Variants in FOXK1 observed in about 807,000 individuals in gnomAD.
FOXK1 encodes the protein forkhead box protein K1.
In FOXK1, 19 loss-of-function variants were observed where a neutral mutation model predicts 51.9. The ratio of observed to expected loss-of-function variants is 0.37; its 90% CI spans 0.26 to 0.54. The LOEUF is 0.54. Ranked by LOEUF, FOXK1 falls within the 20% of genes least tolerant of loss-of-function variation. FOXK1 has a pLI of 0.87. For synonymous variants in FOXK1, 537 were observed against 482.6 expected, an observed-to-expected ratio of 1.11 and a Z score of -1.48; for missense variants, 870 against 1,032.7, an observed-to-expected ratio of 0.84 and a Z score of 2.16.
rs545730718 is a variant in FOXK1, at chr7:4,733,780, G to C, written c.561-7058G>C. Among the ~76,000 whole-genome samples the C allele has an allele frequency of 6.6e-6, 1 of 152,192 alleles. No homozygotes were observed. The highest frequency in any genetic ancestry group is 6.5e-5 in the Admixed American group (1 of 15,272). On this transcript the variant is annotated intron_variant, in intron 1 of 8. Coordinates refer to ENST00000328914, the MANE Select transcript of FOXK1 (RefSeq NM_001037165.2). This position sits in a 1 kb window ranked among gnomAD's most constrained non-coding sequence, Gnocchi z 5.0. ...CTCTTGGGTCTGCTGTTTCTCTCAC[G>C]GGAGAGGCTGCTCTGAGGTCCCCGA...
rs1371800393 is a variant in FOXK1 at position 4,682,464 on chromosome 7, GCCGCCGCCGCCGCCA to G, written c.164_178del (p.Pro55_Pro59del). 1.0e-6 allele frequency: 1 copy of G among 983,616 alleles called. No homozygotes were observed. The highest frequency in any genetic ancestry group is 1.1e-4 in the East Asian group (1 of 8,752). 60.9% of individuals were successfully genotyped at this position (983,616 alleles called of 1,614,324 possible). Reference sequence around the variant, plus strand: ...CGCAGCCCCAGCCTCCGCCCGGGCCGCCGCCGCCGCCGCCACCGCCGCTGCCTCCGGGCGCGATCG... The same window carrying G: ...CGCAGCCCCAGCCTCCGCCCGGGCCGCCGCCGCTGCCTCCGGGCGCGATCG... On this transcript the variant is annotated inframe_deletion, in exon 1 of 9. Transcript: ENST00000328914. The surrounding 1 kb of genome is among the most constrained non-coding windows in gnomAD (Gnocchi z 7.6).
chr7:4,759,286 C>T (rs759368909), intron 6 of FOXK1, 25 bp from the exon 7 acceptor site: 4 of 1,602,672 alleles, frequency 2.5e-6, no homozygotes, highest in East Asian at 2.2e-5. Context: ...GAGGGGTCAC[C>T]GTCCGCTCTC....
At chr7:4,694,946 G>A (rs1190106380) in intron 1 of FOXK1, among the ~76,000 whole-genome samples, 2 of 152,208 alleles carry the variant, frequency 1.3e-5, no homozygotes, top group African/African-American at 4.8e-5. Context: ...AACCTCCTGC[G>A]CCTTACCAAG....
intron 7 of FOXK1, 36 bp downstream of exon 7, chr7:4,759,631 C>T: frequency 1.3e-6 from 2 of 1,513,770 alleles, no homozygotes; most frequent in Middle Eastern, 1.7e-4. Context: ...TCGCAGGACC[C>T]TTTGTGGTGG....
rs1177704349 is a variant in FOXK1 at position 4,707,267 on chromosome 7, G to A, written c.560+24399G>A. Among the ~76,000 whole-genome samples the A allele has an allele frequency of 2.0e-5, 3 of 152,302 alleles. No individual in the cohort carries two copies. Among genetic ancestry groups the A allele is most frequent in the Admixed American group, 6.5e-5 (1 of 15,308 alleles). The stretch of plus-strand genomic sequence containing the variant: ...GGGGTGGTGTTCTGGTGGAGGGGAC[G>A]CTGGTAAAGAGCAGGTCTGGCTCAG... On this transcript the variant is annotated intron_variant, in intron 1 of 8. Coordinates refer to ENST00000328914, the MANE Select transcript of FOXK1 (RefSeq NM_001037165.2). This position sits in a 1 kb window ranked among gnomAD's most constrained non-coding sequence, Gnocchi z 4.1.
chr7:4,706,381 T>A (rs143482022), intron 1 of FOXK1, among the ~76,000 whole-genome samples: 7 of 152,320 alleles, frequency 4.6e-5, no homozygotes, highest in Admixed American at 2.0e-4. Flanking sequence ...AGTTTATATC[T>A]GTGACACTCC....
chr7:4,702,184 A>G (rs1189414842), intron 1 of FOXK1, among the ~76,000 whole-genome samples: 5 of 152,162 alleles, frequency 3.3e-5, no homozygotes, highest in African/African-American at 4.8e-5. Flanking sequence ...AAAGAGACAC[A>G]TGACAGATAA....
Position 4,766,666 on chromosome 7 carries a change from C to A in FOXK1, c.*4202C>A, listed in dbSNP as rs1227792371. On this transcript the variant is annotated 3_prime_UTR_variant, in exon 9 of 9. Coordinates refer to ENST00000328914, the MANE Select transcript of FOXK1 (RefSeq NM_001037165.2). The surrounding 1 kb of genome is among the most constrained non-coding windows in gnomAD (Gnocchi z 5.5). ...CCAGGACGGGGGCTTCACCCTGCCCCCTCCAGACTGCCGAAGCCCCCAAGA... is the reference window on the plus strand; with the variant it reads ...CCAGGACGGGGGCTTCACCCTGCCCACTCCAGACTGCCGAAGCCCCCAAGA... 1 of 152,316 alleles carries A rather than the reference C, an allele frequency of 6.6e-6. No individual in the cohort carries two copies. Among genetic ancestry groups the A allele is most frequent in the African/African-American group, 2.4e-5 (1 of 41,462 alleles). 9.4% of individuals were successfully genotyped at this position (152,316 alleles called of 1,614,324 possible). A position where few individuals can be genotyped will look rare whatever the true frequency, so the allele number is the denominator to read the frequency against.
chr7:4,736,538 G>A (rs992779027), intron 1 of FOXK1, among the ~76,000 whole-genome samples: 5 of 151,118 alleles, frequency 3.3e-5, no homozygotes, highest in Admixed American at 1.3e-4. Flanking sequence ...TCAGCCTCCC[G>A]AGTAGCTGGG....
Position 4,771,108 on chromosome 7 carries a change from A to T in FOXK1, c.*8644A>T, listed in dbSNP as rs945047873. On this transcript the variant is annotated 3_prime_UTR_variant, in exon 9 of 9. Transcript: ENST00000328914. ...CGGGGGGGTGTGGCTGCACCCCAGC[A>T]CCGGGAGGGGGCACGCACGACACCA... 6.6e-6 allele frequency: 1 copy of T among 152,596 alleles called. No individual in the cohort carries two copies. The highest frequency in any genetic ancestry group is 2.4e-5 in the African/African-American group (1 of 41,418). The allele number at this position is 152,596 out of a possible 1,614,324, so 9.5% of individuals were successfully genotyped here.
chr7:4,717,025 G>A (rs938018388), intron 1 of FOXK1, among the ~76,000 whole-genome samples: 28 of 147,246 alleles, frequency 1.9e-4, no homozygotes, highest in African/African-American at 4.5e-4. Context: ...GGTGGGAGGC[G>A]TGTGGCTGGG....
Position 4,755,330 on chromosome 7 carries a change from G to A in FOXK1, c.997G>A (p.Ala333Thr), listed in dbSNP as rs774083733. 9.5e-5 allele frequency: 153 copies of A among 1,613,622 alleles called. No homozygotes were observed. The highest frequency in any genetic ancestry group is 1.2e-4 in the Non-Finnish European group (140 of 1,180,026). ...DRQLTLSGIY[A>T]HITKHYPYYR... The stretch of plus-strand genomic sequence containing the variant: ...GCAGCTGACCCTGAGCGGGATCTAC[G>A]CCCACATCACCAAGCATTACCCCTA... The change falls in exon 4 of 9, where the codon GCC becomes ACC. Residue 333 changes from alanine to threonine, a missense_variant. Physicochemically the swap from Ala to Thr is moderately conservative, Grantham distance 58. Coordinates refer to ENST00000328914, the MANE Select transcript of FOXK1 (RefSeq NM_001037165.2). This position sits in a 1 kb window ranked among gnomAD's most constrained non-coding sequence, Gnocchi z 6.6.
Position 4,762,309 on chromosome 7 carries a change from A to AC in FOXK1, c.2051dup (p.Ala685SerfsTer110). The stretch of plus-strand genomic sequence containing the variant: ...AGCCGTCGCGGCCACGGCCACCACC[A>AC]CCCCAGCCACTGCCACCACCGCCTC... On this transcript the variant is annotated frameshift_variant, in exon 9 of 9. Transcript: ENST00000328914. LOFTEE classifies it low-confidence loss of function (END_TRUNC). The surrounding 1 kb of genome is among the most constrained non-coding windows in gnomAD (Gnocchi z 5.7). The AC allele has an allele frequency of 6.5e-7, 1 of 1,546,048 alleles. No individual in the cohort carries two copies. The highest frequency in any genetic ancestry group is 8.7e-7 in the Non-Finnish European group (1 of 1,146,126).
intron 1 of FOXK1, among the ~76,000 whole-genome samples, chr7:4,705,400 T>G (rs957744168): frequency 2.6e-5 from 4 of 152,086 alleles, no homozygotes; most frequent in Non-Finnish European, 5.9e-5. Context: ...CAGGCTGGTC[T>G]TGAACTCGTG....
chr7:4,754,799 C>T, intron 3 of FOXK1, 184 bp downstream of exon 3: 1 of 757,420 alleles, frequency 1.3e-6, no homozygotes, highest in Admixed American at 2.9e-5. Flanking sequence ...GTGCCCAAAT[C>T]ATCCCCGTTG....
At position 4,695,192 on chromosome 7, in the gene FOXK1, C is replaced by T. The variant is rs868176253; in HGVS notation, c.560+12324C>T. ...CCTGGCATTGGGAACAGTGATTCAT[C>T]GCCGCTTGATGAAAACATCTTTCCG... On this transcript the variant is annotated intron_variant, in intron 1 of 8. Coordinates refer to ENST00000328914, the MANE Select transcript of FOXK1 (RefSeq NM_001037165.2). Among the ~76,000 whole-genome samples, 13 of 152,332 alleles carry T rather than the reference C, an allele frequency of 8.5e-5. 1 individual carries two copies. The South Asian group carries it at 2.3e-3, about 27-fold the overall frequency.
chr7:4,682,861 C>T lies in FOXK1; in HGVS notation c.553C>T (p.Pro185Ser). ...ACGCGGCGCGCCCGCCCTGCAGCTG[C>T]CCAAGCAGTGAGTGGCCCCGCGACC... ...QRRGAPALQL[P>S]KQCTFRFPST... Residue 185 changes from proline to serine, a missense_variant, in exon 1 of 9, where the codon CCC (proline) becomes TCC (serine). Pro to Ser is a moderately conservative substitution (Grantham distance 74). Coordinates refer to ENST00000328914, the MANE Select transcript of FOXK1 (RefSeq NM_001037165.2). The surrounding 1 kb of genome is among the most constrained non-coding windows in gnomAD (Gnocchi z 7.6). The T allele has an allele frequency of 6.5e-7, 1 of 1,528,808 alleles. No individual in the cohort carries two copies. The highest frequency in any genetic ancestry group is 8.8e-7 in the Non-Finnish European group (1 of 1,141,182). 94.7% of individuals were successfully genotyped at this position (1,528,808 alleles called of 1,614,324 possible).
chr7:4,697,665 G>C (rs1199923195), intron 1 of FOXK1, among the ~76,000 whole-genome samples: 1 of 150,382 alleles, frequency 6.6e-6, no homozygotes, highest in Non-Finnish European at 1.5e-5. Context: ...TTGAATCCTG[G>C]GTTTTGGGAA....
At position 4,682,543 on chromosome 7, in the gene FOXK1, G is replaced by C; in HGVS notation, c.235G>C (p.Gly79Arg). Residue 79 changes from glycine to arginine, a missense_variant, in exon 1 of 9, where the codon GGG becomes CGG. This residue lies in a region of FOXK1 where 399 missense variants were observed against 475.6 expected (regional missense o/e 0.84). Coordinates refer to ENST00000328914, the MANE Select transcript of FOXK1 (RefSeq NM_001037165.2). The surrounding 1 kb of genome is among the most constrained non-coding windows in gnomAD (Gnocchi z 7.6). ...GSSGGSSGVS[G>R]DSAVAGAAPA... ...CTCCGGGGGCTCCTCCGGGGTATCC[G>C]GGGACTCCGCGGTCGCGGGCGCGGC... 8.7e-7 allele frequency: 1 copy of C among 1,144,276 alleles called. No homozygotes were observed. Among genetic ancestry groups the C allele is most frequent in the East Asian group, 4.5e-5 (1 of 22,302 alleles). 70.9% of individuals were successfully genotyped at this position (1,144,276 alleles called of 1,614,324 possible).
Sources: allele counts gnomAD v4.1 joint callset (sites outside exome capture counted in the v4.1 genomes callset), GRCh38; gene constraint gnomAD v4.1.1; regional missense constraint gnomAD v4.1.1; non-coding constraint Gnocchi (gnomAD v3.1); transcripts MANE v1.5; gene names NCBI Gene and HGNC (gene_info 2026-07-23, HGNC 2026-07-21).